LAMA2: variants seen among roughly 807,000 people sequenced by gnomAD.
The protein encoded by LAMA2 is laminin subunit alpha-2.
A neutral mutation model predicts 364.8 loss-of-function variants in LAMA2; 269 were observed. The observed-to-expected ratio is 0.74, with a 90% CI of 0.67 to 0.82. The LOEUF (loss-of-function observed/expected upper bound fraction) is 0.82. LAMA2 is among the 40% of genes least tolerant of loss of function. The probability of loss-of-function intolerance (pLI) is 0.00; values close to 1 mark genes in which losing one functional copy is unlikely to be tolerated. For missense variants in LAMA2, 3,807 were observed against 3,873.2 expected (o/e 0.98, Z 0.45); for synonymous variants, 1,379 against 1,370.6 (o/e 1.01, Z -0.14).
intron 53 of LAMA2, among the ~76,000 whole-genome samples, chr6:129,477,232 CTCATTGAGACAAGCT>C (rs1176392393): frequency 6.6e-6 from 1 of 152,140 alleles, no homozygotes; most frequent in Non-Finnish European, 1.5e-5. Context: ...TATTCAGTTT[CTCATTGAGACAAGCT>C]ACATTTCAAG....
chr6:129,148,217 G>A (rs1203501899), intron 6 of LAMA2, among the ~76,000 whole-genome samples: 1 of 152,072 alleles, frequency 6.6e-6, no homozygotes, highest in Non-Finnish European at 1.5e-5. Context: ...CATGGATGAA[G>A]CTGGAAACCA....
At position 129,065,189 on chromosome 6, in the gene LAMA2, T is replaced by C. The variant is rs149193385; in HGVS notation, c.396+5293T>C. Among the ~76,000 whole-genome samples, 948 of 152,300 alleles carry C rather than the reference T, an allele frequency of 6.2e-3. 7 individuals carry two copies. The highest frequency in any genetic ancestry group is 0.022 in the African/African-American group (905 of 41,564). ...CATCTCAATAGATGCAGAAAAAGCA[T>C]TTGACAAAATTCAACATTGTTTAAT... On this transcript the variant is annotated intron_variant, in intron 3 of 64. Coordinates refer to ENST00000421865, the MANE Select transcript of LAMA2 (RefSeq NM_000426.4).
chr6:129,468,703 G>C (rs1379636917), intron 51 of LAMA2, among the ~76,000 whole-genome samples: 2 of 151,812 alleles, frequency 1.3e-5, no homozygotes, highest in Non-Finnish European at 1.5e-5. Context: ...AAGAAGAAAG[G>C]CTTGGCAAAA....
At chr6:129,066,519 T>C (rs573241029) in intron 3 of LAMA2, among the ~76,000 whole-genome samples, 2 of 152,332 alleles carry the variant, frequency 1.3e-5, no homozygotes, top group East Asian at 3.9e-4. Context: ...CTCAATGTGA[T>C]CCACAGATTC....
At chr6:129,340,205 G>C (rs1440543806) in intron 29 of LAMA2, among the ~76,000 whole-genome samples, 1 of 152,124 alleles carries the variant, frequency 6.6e-6, no homozygotes, top group East Asian at 1.9e-4. Flanking sequence ...AATGGGAGAT[G>C]AAGAAGTAGA....
chr6:129,300,588 T>C, intron 21 of LAMA2, 148 bp from the exon 22 acceptor site: 1 of 758,786 alleles, frequency 1.3e-6, no homozygotes, highest in South Asian at 1.5e-5. Context: ...ATATAAAAGA[T>C]GAATGAAGTA....
intron 55 of LAMA2, among the ~76,000 whole-genome samples, chr6:129,485,554 T>C (rs1406403275): frequency 6.6e-6 from 1 of 152,220 alleles, no homozygotes; most frequent in Non-Finnish European, 1.5e-5. Flanking sequence ...ACGGTTTTGA[T>C]ACCCATAGAG....
intron 40 of LAMA2, among the ~76,000 whole-genome samples, chr6:129,410,587 C>A (rs540541360): frequency 1.3e-5 from 2 of 152,136 alleles, no homozygotes; most frequent in East Asian, 3.9e-4. Context: ...TATTAGGGTT[C>A]TCCAAATAAA....
At chr6:129,007,251 G>C (rs540456248) in intron 1 of LAMA2, among the ~76,000 whole-genome samples, 1 of 152,108 alleles carries the variant, frequency 6.6e-6, no homozygotes, top group East Asian at 1.9e-4. Flanking sequence ...TTATTGGAGA[G>C]AGGGGAAATA....
intron 58 of LAMA2, among the ~76,000 whole-genome samples, chr6:129,497,589 T>G (rs1785288849): frequency 6.6e-6 from 1 of 152,194 alleles, no homozygotes; most frequent in African/African-American, 2.4e-5. Flanking sequence ...AAAAGTTAAC[T>G]CCTGAAGTGA....
chr6:129,148,827 C>T, intron 6 of LAMA2, 152 bp from the exon 7 acceptor site: 1 of 744,896 alleles, frequency 1.3e-6, no homozygotes, highest in Non-Finnish European at 2.5e-6. Flanking sequence ...CCACTTCAAG[C>T]CTGGCACCAC....
At chr6:129,110,317 A>T (rs1317187383) in intron 4 of LAMA2, among the ~76,000 whole-genome samples, 2 of 152,094 alleles carry the variant, frequency 1.3e-5, no homozygotes, top group African/African-American at 2.4e-5. Flanking sequence ...GAAGCACTTC[A>T]GGTTGTCAAA....
At chr6:129,480,992 A>G (rs893083768) in intron 54 of LAMA2, among the ~76,000 whole-genome samples, 2 of 152,214 alleles carry the variant, frequency 1.3e-5, no homozygotes, top group African/African-American at 4.8e-5. Context: ...TAACAGTGAT[A>G]ATCTTCTATA....
At chr6:129,222,790 C>T (rs995180192) in intron 12 of LAMA2, among the ~76,000 whole-genome samples, 7 of 152,020 alleles carry the variant, frequency 4.6e-5, no homozygotes, top group Admixed American at 2.0e-4. Context: ...ATGAATAGTG[C>T]CGCAATAAAC....
intron 60 of LAMA2, among the ~76,000 whole-genome samples, chr6:129,503,543 G>A (rs1036771633): frequency 6.6e-6 from 1 of 152,196 alleles, no homozygotes; most frequent in Non-Finnish European, 1.5e-5. Flanking sequence ...CCCATAAACT[G>A]AGGCCAGGTG....
At chr6:129,338,788 A>G (rs1310155399) in intron 29 of LAMA2, among the ~76,000 whole-genome samples, 2 of 152,230 alleles carry the variant, frequency 1.3e-5, no homozygotes, top group Non-Finnish European at 2.9e-5. Flanking sequence ...GCTGAAATGA[A>G]TAAGTGCTAG....
chr6:129,516,245 A>C lies in LAMA2; in HGVS notation c.9267A>C (p.Arg3089Ser). 1 of 1,614,080 alleles carries C rather than the reference A, an allele frequency of 6.2e-7. No individual in the cohort carries two copies. Among genetic ancestry groups the C allele is most frequent in the East Asian group, 2.2e-5 (1 of 44,872 alleles). ...GTATTCCGTTCCGAGGTTGCATCAG[A>C]TCCCTGAAGCTCACCAAAGGCACAG... ...TTSIPFRGCI[R>S]SLKLTKGTGK... Residue 3089 changes from arginine to serine, a missense_variant, in exon 65 of 65, where the codon AGA (arginine) becomes AGC (serine). This residue lies in a region of LAMA2 where 3,333 missense variants were observed against 3,345.7 expected (regional missense o/e 1.00). Transcript: ENST00000421865.
At chr6:129,459,266 A>ACAG (rs1783125299) in intron 48 of LAMA2, among the ~76,000 whole-genome samples, 1 of 152,126 alleles carries the variant, frequency 6.6e-6, no homozygotes, top group Non-Finnish European at 1.5e-5. Context: ...CAGTAAAAAT[A>ACAG]CAGTATTATA....
chr6:129,373,978 A>G (rs9483016), intron 34 of LAMA2, among the ~76,000 whole-genome samples: 3,358 of 152,214 alleles, frequency 0.022, 126 homozygotes, highest in African/African-American at 0.077. Context: ...CATTCTTCAG[A>G]TTCAGTAACA....
Sources: gnomAD v4.1 joint callset for allele counts (sites outside exome capture counted in the v4.1 genomes callset) on GRCh38, gnomAD v4.1.1 for gene constraint, gnomAD v4.1.1 regional missense constraint, MANE v1.5 for transcripts, NCBI Gene and HGNC (gene_info 2026-07-23, HGNC 2026-07-21) for gene names.